RANBP17: variants seen among roughly 807,000 people sequenced by gnomAD.
The protein encoded by RANBP17 is ran-binding protein 17.
In RANBP17, 158 loss-of-function variants were observed where a neutral mutation model predicts 141.2. The observed-to-expected ratio is 1.12, with a 90% confidence interval of 0.98 to 1.28. The LOEUF is 1.28. Ranked by LOEUF, RANBP17 falls within the 50% of genes most tolerant of loss-of-function variation. The pLI, the probability that RANBP17 is intolerant of heterozygous loss-of-function variation, is 0.00. For missense variants in RANBP17, 1,438 were observed against 1,290.7 expected (o/e 1.11, Z -1.75); for synonymous variants, 430 against 450.0 (o/e 0.96, Z 0.56).
At chr5:170,984,968 G>GAC (rs894461805) in intron 14 of RANBP17, among the ~76,000 whole-genome samples, 2 of 151,548 alleles carry the variant, frequency 1.3e-5, no homozygotes, top group East Asian at 1.9e-4. Flanking sequence ...TTAAAATACA[G>GAC]ACACACACAC....
chr5:171,135,347 T>C (rs910667954), intron 14 of RANBP17, among the ~76,000 whole-genome samples: 1 of 152,094 alleles, frequency 6.6e-6, no homozygotes, highest in Non-Finnish European at 1.5e-5. Flanking sequence ...CTGACTTTTT[T>C]AAAAAGCAAA....
intron 14 of RANBP17, among the ~76,000 whole-genome samples, chr5:171,137,925 T>A (rs1339366865): frequency 6.9e-6 from 1 of 144,656 alleles, no homozygotes; most frequent in Non-Finnish European, 1.5e-5. Flanking sequence ...ATCTACTCTA[T>A]ATCTATAAGT....
chr5:171,018,446 G>A (rs181643244), intron 14 of RANBP17, among the ~76,000 whole-genome samples: 3 of 152,096 alleles, frequency 2.0e-5, no homozygotes, highest in Non-Finnish European at 1.5e-5. Context: ...GCAGTTGTTT[G>A]TAGTTCTCCT....
At position 171,264,284 on chromosome 5, in the gene RANBP17, A is replaced by G. The variant is rs548361534; in HGVS notation, c.2777-1397A>G. Among the ~76,000 whole-genome samples, 3 of 152,264 alleles carry G rather than the reference A, an allele frequency of 2.0e-5. No individual in the cohort carries two copies. The South Asian group carries it at 6.2e-4, about 32-fold the overall frequency. On this transcript the variant is annotated intron_variant, in intron 24 of 27. Coordinates refer to ENST00000523189, the MANE Select transcript of RANBP17 (RefSeq NM_022897.5). ...GGGGTGAAGGATAAAAGACTACACA[A>G]TGGGTAGAGTGTACACTGCTTGGGT...
intron 22 of RANBP17, among the ~76,000 whole-genome samples, chr5:171,236,295 T>A (rs1191006674): frequency 6.6e-5 from 10 of 152,238 alleles, no homozygotes; most frequent in Non-Finnish European, 1.0e-4. Context: ...TCAATGTGAT[T>A]GATTGCTTTG....
At chr5:171,207,922 G>T (rs1276532470) in intron 20 of RANBP17, 2 of 152,092 alleles carry the variant, frequency 1.3e-5, no homozygotes, top group Non-Finnish European at 2.9e-5. Flanking sequence ...AGGTGATAAA[G>T]TACAGATTCT....
intron 3 of RANBP17, among the ~76,000 whole-genome samples, chr5:170,888,247 A>G (rs1281147811): frequency 6.6e-6 from 1 of 152,218 alleles, no homozygotes; most frequent in Non-Finnish European, 1.5e-5. Context: ...ATATACACAA[A>G]ATAAATTACT....
chr5:171,025,410 A>G (rs533860909), intron 14 of RANBP17, among the ~76,000 whole-genome samples: 1 of 152,070 alleles, frequency 6.6e-6, no homozygotes, highest in South Asian at 2.1e-4. Flanking sequence ...TCAATTCTCC[A>G]AATGTTTTAT....
intron 16 of RANBP17, 32 bp downstream of exon 16, chr5:171,171,318 T>G: frequency 8.0e-7 from 1 of 1,247,984 alleles, no homozygotes; most frequent in East Asian, 2.4e-5. Flanking sequence ...TGACATTATG[T>G]GTAAACAACC....
rs984637755 is a variant in RANBP17, at chr5:170,896,927, G to T, written c.489+812G>T. 2.7e-5 allele frequency: 19 copies of T among 696,128 alleles called. No individual in the cohort carries two copies. The African/African-American group carries it at 2.9e-4, about 11-fold the overall frequency. 43.1% of individuals were successfully genotyped at this position (696,128 alleles called of 1,614,324 possible). The stretch of plus-strand genomic sequence containing the variant: ...AGCGCCCCCAGCTGACTATGCACCA[G>T]AATGACCCAGTTGGTGGTCATACTG... On this transcript the variant is annotated intron_variant, in intron 5 of 27. Coordinates refer to ENST00000523189, the MANE Select transcript of RANBP17 (RefSeq NM_022897.5).
At chr5:170,992,685 A>G (rs1464761163) in intron 14 of RANBP17, among the ~76,000 whole-genome samples, 1 of 152,062 alleles carries the variant, frequency 6.6e-6, no homozygotes, top group Non-Finnish European at 1.5e-5. Flanking sequence ...AAGGAAAATG[A>G]ATGGGTTTGT....
At chr5:171,010,735 C>A (rs1386113468) in intron 14 of RANBP17, among the ~76,000 whole-genome samples, 1 of 151,932 alleles carries the variant, frequency 6.6e-6, no homozygotes, top group Non-Finnish European at 1.5e-5. Context: ...CAGTATAGAT[C>A]CTATAGATGT....
intron 25 of RANBP17, among the ~76,000 whole-genome samples, chr5:171,277,040 C>T (rs1480852279): frequency 1.4e-5 from 2 of 146,822 alleles, no homozygotes; most frequent in African/African-American, 5.0e-5. Flanking sequence ...TTGCTTTTAT[C>T]TGTTGACATT....
At chr5:170,987,696 C>G (rs545081503) in intron 14 of RANBP17, among the ~76,000 whole-genome samples, 1 of 151,610 alleles carries the variant, frequency 6.6e-6, no homozygotes, top group East Asian at 1.9e-4. Context: ...TTAAAAACGT[C>G]TTTGCTGTAT....
Position 171,123,740 on chromosome 5 carries a change from C to T in RANBP17, c.1711-46390C>T, listed in dbSNP as rs534435656. On this transcript the variant is annotated intron_variant, in intron 14 of 27. Transcript: ENST00000523189. ...CACAGCCTCCGCTAACAACTGTGGC[C>T]TAAACCATGGAGGAACTTACAGGCA... Among the ~76,000 whole-genome samples the T allele has an allele frequency of 3.9e-5, 6 of 152,362 alleles. No individual in the cohort carries two copies. In the South Asian group the frequency reaches 1.0e-3, roughly 26 times the overall value.
At chr5:171,147,339 T>TTGTGTGTGTGTGTG (rs59202388) in intron 14 of RANBP17, among the ~76,000 whole-genome samples, 2,632 of 104,748 alleles carry the variant, frequency 0.025, 61 homozygotes, top group East Asian at 0.05. Context: ...CTTGGTTGTT[T>TTGTGTGTGTGTGTG]TGTGTGTGTG....
chr5:170,961,420 T>G (rs1209665298), intron 13 of RANBP17, among the ~76,000 whole-genome samples: 1 of 152,230 alleles, frequency 6.6e-6, no homozygotes, highest in Non-Finnish European at 1.5e-5. Flanking sequence ...CTTTTTATTC[T>G]GTGCTTTTTA....
intron 12 of RANBP17, among the ~76,000 whole-genome samples, chr5:170,936,588 T>C (rs2127467718): frequency 6.6e-6 from 1 of 152,330 alleles, no homozygotes; most frequent in Non-Finnish European, 1.5e-5. Context: ...TGGTCAAGTA[T>C]CATTTTGTGT....
chr5:170,888,124 C>A (rs1769304921), intron 3 of RANBP17, among the ~76,000 whole-genome samples: 1 of 152,156 alleles, frequency 6.6e-6, no homozygotes, highest in African/African-American at 2.4e-5. Flanking sequence ...GTCAGTCTTC[C>A]AACTTTGTTC....
Sources: allele counts gnomAD v4.1 joint callset (sites outside exome capture counted in the v4.1 genomes callset), GRCh38; gene constraint gnomAD v4.1.1; transcripts MANE v1.5; gene names NCBI Gene and HGNC (gene_info 2026-07-23, HGNC 2026-07-21).